Variants in PDE3A observed in about 807,000 individuals in gnomAD.
PDE3A encodes phosphodiesterase 3A.
A neutral mutation model predicts 98.3 loss-of-function variants in PDE3A; 43 were observed. The observed-to-expected ratio is 0.44, with a 90% confidence interval of 0.34 to 0.56. The LOEUF is 0.56. Ranked by LOEUF, PDE3A falls within the 20% of genes least tolerant of loss-of-function variation. The pLI is 0.01. For missense variants in PDE3A, 1,427 were observed against 1,440.7 expected (o/e 0.99, Z 0.15); for synonymous variants, 663 against 567.9 (o/e 1.17, Z -2.38).
chr12:20,598,173 T>A (rs1199978676), intron 2 of PDE3A, among the ~76,000 whole-genome samples: 3 of 151,324 alleles, frequency 2.0e-5, no homozygotes, highest in Non-Finnish European at 4.4e-5. Context: ...TTTCTTTTTT[T>A]AATTATTATT....
At chr12:20,567,044 A>G (rs1358193293) in intron 2 of PDE3A, among the ~76,000 whole-genome samples, 1 of 151,966 alleles carries the variant, frequency 6.6e-6, no homozygotes, top group Non-Finnish European at 1.5e-5. Flanking sequence ...TAATCCTAGG[A>G]CAATTTAGTT....
chr12:20,606,398 A>T (rs1277991576), intron 2 of PDE3A, among the ~76,000 whole-genome samples: 2 of 152,188 alleles, frequency 1.3e-5, no homozygotes, highest in African/African-American at 2.4e-5. Flanking sequence ...TTGGTTACAT[A>T]GACTTGTTAG....
At chr12:20,640,991 G>A (rs4269970) in intron 10 of PDE3A, among the ~76,000 whole-genome samples, 6 of 151,612 alleles carry the variant, frequency 4.0e-5, no homozygotes, top group Admixed American at 1.3e-4. Flanking sequence ...TAACTTTTTC[G>A]TAATTGTAAA....
At chr12:20,454,137 A>G (rs747456164) in intron 1 of PDE3A, among the ~76,000 whole-genome samples, 45 of 151,970 alleles carry the variant, frequency 3.0e-4, no homozygotes, top group Non-Finnish European at 1.3e-4. Context: ...CACTTTCCCC[A>G]TTTACTCACT....
chr12:20,668,602 A>T (rs1330648143), intron 15 of PDE3A, among the ~76,000 whole-genome samples: 1 of 152,186 alleles, frequency 6.6e-6, no homozygotes, highest in East Asian at 1.9e-4. Context: ...GACACCTCAC[A>T]TGGCAGGGTA....
At chr12:20,658,861 T>G (rs73082647) in intron 15 of PDE3A, among the ~76,000 whole-genome samples, 276 of 152,320 alleles carry the variant, frequency 1.8e-3, no homozygotes, top group Middle Eastern at 3.4e-3. Flanking sequence ...AATTTGCTAT[T>G]ACAGGTTTTC....
rs764074055 is a variant in PDE3A, at chr12:20,653,920, T to C, written c.2926-27T>C. 3.7e-6 allele frequency: 6 copies of C among 1,605,432 alleles called. No homozygotes were observed. In the African/African-American group the frequency reaches 4.0e-5, roughly 11 times the overall value. On this transcript the variant is annotated intron_variant, in intron 14 of 15. Coordinates refer to ENST00000359062, the MANE Select transcript of PDE3A (RefSeq NM_000921.5). ...ACAAATTTCAGATGCCAGGTGAATG[T>C]TGACTTCACTTGTATTTTATTTCTA...
intron 2 of PDE3A, among the ~76,000 whole-genome samples, chr12:20,589,786 A>G (rs1943285995): frequency 6.6e-6 from 1 of 150,796 alleles, no homozygotes; most frequent in Non-Finnish European, 1.5e-5. Flanking sequence ...GGAGAACGGC[A>G]TGAACCCAGG....
intron 2 of PDE3A, among the ~76,000 whole-genome samples, chr12:20,610,955 T>C (rs1435333299): frequency 1.3e-5 from 2 of 151,916 alleles, no homozygotes; most frequent in African/African-American, 4.8e-5. Flanking sequence ...ATATAGGATG[T>C]ATAAGTCTAG....
chr12:20,400,379 GTTTTTTTTTTT>G (rs75851941), intron 1 of PDE3A, among the ~76,000 whole-genome samples: 3,830 of 110,086 alleles, frequency 0.035, 186 homozygotes, highest in Non-Finnish European at 0.047. Context: ...GTTAACATTG[GTTTTTTTTTTT>G]TTTTTTTTTT....
At chr12:20,679,334 G>A (rs974815141) in intron 15 of PDE3A, among the ~76,000 whole-genome samples, 17 of 152,082 alleles carry the variant, frequency 1.1e-4, no homozygotes, top group Admixed American at 3.3e-4. Flanking sequence ...TGCAAGCTCC[G>A]CCTCCTGGGT....
In PDE3A at chr12:20,622,809, A is replaced by G. The variant is rs189519454; in HGVS notation, c.1540+1398A>G. 2.2e-4 allele frequency among the ~76,000 whole-genome samples: 33 copies of G among 152,172 alleles called. No homozygotes were observed. In the South Asian group the frequency reaches 2.5e-3, roughly 12 times the overall value. ...GTAGGACCCCTTGGCTCCCTACAAA[A>G]ATATATATGGATACTTTTGGAAGGG... On this transcript the variant is annotated intron_variant, in intron 5 of 15. Transcript: ENST00000359062.
At chr12:20,370,400 GTTTTTTTTGTTTTTTTTTT>G (rs906745944) in intron 1 of PDE3A, 156 bp downstream of exon 1, 58 of 359,894 alleles carry the variant, frequency 1.6e-4, no homozygotes, top group Middle Eastern at 7.4e-4. Flanking sequence ...TTTTTTTTTT[GTTTTTTTTGTTTTTTTTTT>G]TTTGTTTTTT....
At chr12:20,616,447 T>G (rs1944010405) in intron 4 of PDE3A, 63 bp downstream of exon 4, 13 of 1,503,452 alleles carry the variant, frequency 8.6e-6, no homozygotes, top group Non-Finnish European at 1.2e-5. Context: ...AAATGAGTTA[T>G]AAATTACAGG....
chr12:20,435,193 C>T (rs1417683215), intron 1 of PDE3A, among the ~76,000 whole-genome samples: 1 of 152,174 alleles, frequency 6.6e-6, no homozygotes, highest in Non-Finnish European at 1.5e-5. Context: ...CCACTGCATT[C>T]CTTGTTACTG....
intron 15 of PDE3A, among the ~76,000 whole-genome samples, chr12:20,657,666 C>T (rs1945074294): frequency 6.6e-6 from 1 of 152,150 alleles, no homozygotes; most frequent in African/African-American, 2.4e-5. Flanking sequence ...AACAATTTGG[C>T]TCCCAATACA....
intron 1 of PDE3A, among the ~76,000 whole-genome samples, chr12:20,414,275 C>G (rs1276165609): frequency 6.6e-6 from 1 of 152,172 alleles, no homozygotes; most frequent in Admixed American, 6.5e-5. Context: ...AAAAGAAGCA[C>G]TCTTGAGAAT....
intron 2 of PDE3A, among the ~76,000 whole-genome samples, chr12:20,577,178 C>A (rs1942954602): frequency 6.6e-6 from 1 of 152,078 alleles, no homozygotes; most frequent in Admixed American, 6.6e-5. Flanking sequence ...TTTTAAAGAG[C>A]TGGCTAGAGC....
At chr12:20,455,207 T>C (rs1418423864) in intron 1 of PDE3A, among the ~76,000 whole-genome samples, 2 of 152,228 alleles carry the variant, frequency 1.3e-5, no homozygotes, top group Non-Finnish European at 2.9e-5. Context: ...ATTTCTCTAA[T>C]GCTCAGTCAT....
Sources: gnomAD v4.1 joint callset for allele counts (sites outside exome capture counted in the v4.1 genomes callset) on GRCh38, gnomAD v4.1.1 for gene constraint, MANE v1.5 for transcripts, NCBI Gene and HGNC (gene_info 2026-07-23, HGNC 2026-07-21) for gene names.